Variants in ZNF804B observed in about 807,000 individuals in gnomAD.
ZNF804B encodes the protein zinc finger 804B.
ZNF804B carries 80 observed loss-of-function variants against 101.4 expected under a neutral mutation model. The ratio of observed to expected loss-of-function variants is 0.79; its 90% CI spans 0.66 to 0.95. The LOEUF (loss-of-function observed/expected upper bound fraction) is 0.95, where lower values mean the gene tolerates loss of function less well. Among genes scored for constraint, ZNF804B ranks in the 40% least tolerant of loss-of-function variants. The pLI is 0.00. For missense variants in ZNF804B, 1,673 were observed against 1,561.9 expected, an observed-to-expected ratio of 1.07 and a Z score of -1.20; for synonymous variants, 622 against 558.8, an observed-to-expected ratio of 1.11 and a Z score of -1.59.
chr7:89,183,131 G>T (rs912117306), intron 1 of ZNF804B, among the ~76,000 whole-genome samples: 4 of 152,064 alleles, frequency 2.6e-5, no homozygotes, highest in Non-Finnish European at 5.9e-5. Flanking sequence ...ATAAACATGT[G>T]GCAATAGGAG....
At chr7:89,004,611 A>G (rs1402867636) in intron 1 of ZNF804B, among the ~76,000 whole-genome samples, 1 of 151,842 alleles carries the variant, frequency 6.6e-6, no homozygotes, top group East Asian at 1.9e-4. Context: ...CTGTTCTTCC[A>G]TCAATTTTTG....
intron 2 of ZNF804B, among the ~76,000 whole-genome samples, chr7:89,220,536 T>A (rs58057795): frequency 1.3e-5 from 2 of 151,852 alleles, no homozygotes; most frequent in Non-Finnish European, 2.9e-5. Context: ...ATTTATACCA[T>A]CATCGCTCAC....
chr7:88,909,120 A>C (rs1272154883), intron 1 of ZNF804B, among the ~76,000 whole-genome samples: 4 of 151,822 alleles, frequency 2.6e-5, no homozygotes, highest in Non-Finnish European at 5.9e-5. Flanking sequence ...ATATTGGTGC[A>C]TATTAAATAC....
chr7:89,010,554 AACAAC>A (rs1788440496), intron 1 of ZNF804B, among the ~76,000 whole-genome samples: 1 of 152,194 alleles, frequency 6.6e-6, no homozygotes, highest in Admixed American at 6.5e-5. Context: ...CTAACTGGGT[AACAAC>A]AATTTGCTCA....
chr7:88,976,254 AT>A (rs897762486), intron 1 of ZNF804B, among the ~76,000 whole-genome samples: 2 of 151,614 alleles, frequency 1.3e-5, no homozygotes, highest in Admixed American at 1.3e-4. Context: ...TCCTATAACA[AT>A]TTTAGGATTA....
intron 1 of ZNF804B, among the ~76,000 whole-genome samples, chr7:88,921,422 T>TTTTTTCCC (rs1042561571): frequency 6.6e-6 from 1 of 152,138 alleles, no homozygotes; most frequent in Non-Finnish European, 1.5e-5. Flanking sequence ...GAGGTTCCTC[T>TTTTTTCCC]GAGAAGTGAG....
chr7:88,885,707 CAT>C (rs1416262120), intron 1 of ZNF804B, among the ~76,000 whole-genome samples: 16 of 150,808 alleles, frequency 1.1e-4, no homozygotes, highest in African/African-American at 3.7e-4. Context: ...TTTTACTTTT[CAT>C]AGTTTTCTTA....
chr7:89,314,879 C>A (rs1790699149), intron 2 of ZNF804B, among the ~76,000 whole-genome samples: 1 of 152,180 alleles, frequency 6.6e-6, no homozygotes, highest in African/African-American at 2.4e-5. Flanking sequence ...TCCTCACTTC[C>A]ACTTCCAGAA....
intron 1 of ZNF804B, among the ~76,000 whole-genome samples, chr7:89,004,033 T>A (rs1254913210): frequency 8.0e-5 from 11 of 137,258 alleles, no homozygotes; most frequent in Middle Eastern, 3.8e-3. Context: ...CAGTATAATG[T>A]GAAAATGTGA....
chr7:88,977,281 A>C (rs1410995210), intron 1 of ZNF804B, among the ~76,000 whole-genome samples: 1 of 128,166 alleles, frequency 7.8e-6, no homozygotes, highest in Non-Finnish European at 1.6e-5. Flanking sequence ...GTATTCCTTC[A>C]TCCTCTATTT....
intron 2 of ZNF804B, among the ~76,000 whole-genome samples, chr7:89,315,299 G>A (rs38946): frequency 0.089 from 13,517 of 152,166 alleles, 719 homozygotes; most frequent in Non-Finnish European, 0.12. Flanking sequence ...ACACGAGGCC[G>A]CAGCTCCACC....
At chr7:89,320,677 A>G (rs1790804964) in intron 2 of ZNF804B, among the ~76,000 whole-genome samples, 1 of 152,168 alleles carries the variant, frequency 6.6e-6, no homozygotes, top group Non-Finnish European at 1.5e-5. Context: ...AGCTCAGAGT[A>G]TCCCTAAAAG....
chr7:89,229,101 C>T (rs560312027), intron 2 of ZNF804B, among the ~76,000 whole-genome samples: 4 of 152,206 alleles, frequency 2.6e-5, no homozygotes, highest in Admixed American at 6.5e-5. Flanking sequence ...TTCCCGCCCG[C>T]GCCTCTCCCT....
chr7:89,315,841 A>G (rs528898648), intron 2 of ZNF804B, among the ~76,000 whole-genome samples: 1 of 152,270 alleles, frequency 6.6e-6, no homozygotes, highest in Admixed American at 6.5e-5. Flanking sequence ...TTGGGGAACT[A>G]ACTGGGGCCT....
intron 1 of ZNF804B, among the ~76,000 whole-genome samples, chr7:89,176,587 CTTTCTTTT>C (rs1791324949): frequency 5.6e-5 from 3 of 53,980 alleles, no homozygotes; most frequent in Middle Eastern, 0.015. Flanking sequence ...TTCTTTCTTT[CTTTCTTTT>C]TTTTTTTTTT....
chr7:89,230,691 G>A (rs1584071892), intron 2 of ZNF804B, among the ~76,000 whole-genome samples: 1 of 152,000 alleles, frequency 6.6e-6, no homozygotes, highest in East Asian at 1.9e-4. Flanking sequence ...ATATTCTGTT[G>A]AACAAATGGT....
rs1009498886 is a variant in ZNF804B at position 89,018,936 on chromosome 7, A to G, written c.109-199219A>G. Among the ~76,000 whole-genome samples the G allele has an allele frequency of 2.6e-5, 4 of 151,976 alleles. 1 individual carries two copies. Among genetic ancestry groups the G allele is most frequent in the Non-Finnish European group, 5.9e-5 (4 of 67,910 alleles). ...AATTTGTTTATCTTTCAAAAAAGCT[A>G]ACTTTTTGTTTCATTGATCTTTTCT... On this transcript the variant is annotated intron_variant, in intron 1 of 3. Coordinates refer to ENST00000333190, the MANE Select transcript of ZNF804B (RefSeq NM_181646.5).
At chr7:89,313,178 A>G (rs1478651517) in intron 2 of ZNF804B, among the ~76,000 whole-genome samples, 1 of 152,192 alleles carries the variant, frequency 6.6e-6, no homozygotes, top group Non-Finnish European at 1.5e-5. Context: ...TTCAAGTCAC[A>G]GTCCTTTTTC....
intron 1 of ZNF804B, among the ~76,000 whole-genome samples, chr7:89,118,566 T>G (rs976094481): frequency 6.6e-5 from 10 of 151,472 alleles, no homozygotes; most frequent in Non-Finnish European, 1.0e-4. Flanking sequence ...GTATAATGAG[T>G]TTTTCACAAG....
Sources: allele counts gnomAD v4.1 joint callset (sites outside exome capture counted in the v4.1 genomes callset), GRCh38; gene constraint gnomAD v4.1.1; transcripts MANE v1.5; gene names NCBI Gene and HGNC (gene_info 2026-07-23, HGNC 2026-07-21).